The following FREM1 variants were observed in gnomAD, a reference collection of about 807,000 sequenced individuals.
FREM1 encodes the protein FRAS1 related extracellular matrix 1.
FREM1 carries 220 observed loss-of-function variants against 210.1 expected under a neutral mutation model. The ratio of observed to expected loss-of-function variants is 1.05; its 90% CI spans 0.94 to 1.17. The LOEUF (loss-of-function observed/expected upper bound fraction) is 1.17. FREM1 is among the 50% of genes most tolerant of loss of function. The pLI is 0.00. For synonymous variants in FREM1, 1,189 were observed against 980.2 expected, an observed-to-expected ratio of 1.21 and a Z score of -3.98; for missense variants, 3,454 against 2,675.5, an observed-to-expected ratio of 1.29 and a Z score of -6.42.
At chr9:14,817,728 A>C (rs968319070) in intron 14 of FREM1, among the ~76,000 whole-genome samples, 1 of 152,218 alleles carries the variant, frequency 6.6e-6, no homozygotes, top group Non-Finnish European at 1.5e-5. Flanking sequence ...AAGGTATTTT[A>C]CTGAGGACTA....
At chr9:14,851,817 A>C (rs2131398522) in intron 5 of FREM1, among the ~76,000 whole-genome samples, 1 of 152,302 alleles carries the variant, frequency 6.6e-6, no homozygotes, top group Admixed American at 6.5e-5. Flanking sequence ...TTGTTCCAAA[A>C]AGGGGACCAG....
chr9:14,747,724 C>T lies in FREM1; in HGVS notation c.5801G>A (p.Arg1934His), dbSNP rs778288375. ...TCCATTTCTATAAACAGAGGATGGA[C>T]GAACCTGAAATTGACAGAGAACAAA... ...LRTRGNGKTVRPSSVYRNGTD... is the reference protein window; with the variant it reads ...LRTRGNGKTVHPSSVYRNGTD... Residue 1934 changes from arginine (R) to histidine (H), a missense_variant, in exon 32 of 37, where the codon CGT becomes CAT. Transcript: ENST00000380880. 100 of 1,539,190 alleles carry T rather than the reference C, an allele frequency of 6.5e-5. No homozygotes were observed. Among genetic ancestry groups the T allele is most frequent in the Non-Finnish European group, 7.6e-5 (86 of 1,138,700 alleles).
chr9:14,851,246 C>CCCTG, intron 6 of FREM1, 38 bp downstream of exon 6: 3 of 1,486,328 alleles, frequency 2.0e-6, no homozygotes, highest in Non-Finnish European at 2.7e-6. Context: ...AACCCTGTGA[C>CCCTG]TTCTAACTAG....
rs368738176 is a variant in FREM1, at chr9:14,857,688, T to C, written c.693A>G (p.Gly231=). ...GSCTPGLKKI[G]SLKVSCEEFL... ...ACTCCTCACAGCTCACTTTGAGGCT[T>C]CCTATTTTCTTTAATCCTGGGGTAC... Residue 231 remains glycine, a synonymous_variant, in exon 5 of 37, where the codon GGA becomes GGG. Transcript: ENST00000380880. 7.4e-6 allele frequency: 12 copies of C among 1,613,728 alleles called. No homozygotes were observed. In the Admixed American group the frequency reaches 1.8e-4, roughly 25 times the overall value.
At chr9:14,898,873 TG>T (rs1477360223) in intron 1 of FREM1, among the ~76,000 whole-genome samples, 1 of 152,100 alleles carries the variant, frequency 6.6e-6, no homozygotes, top group Non-Finnish European at 1.5e-5. Flanking sequence ...TTAATAATAG[TG>T]GAAAGTAGGG....
chr9:14,798,088 T>C (rs1852782306), intron 20 of FREM1, among the ~76,000 whole-genome samples: 1 of 151,650 alleles, frequency 6.6e-6, no homozygotes, highest in South Asian at 2.1e-4. Flanking sequence ...AATTCAAGAG[T>C]CTCAGAACAG....
intron 5 of FREM1, among the ~76,000 whole-genome samples, chr9:14,856,750 A>G (rs1333759738): frequency 6.6e-6 from 1 of 150,818 alleles, no homozygotes; most frequent in Non-Finnish European, 1.5e-5. Flanking sequence ...GGAGAGTGGC[A>G]TGAACTTGGG....
At chr9:14,887,895 T>G (rs537524559) in intron 1 of FREM1, among the ~76,000 whole-genome samples, 1 of 152,258 alleles carries the variant, frequency 6.6e-6, no homozygotes, top group South Asian at 2.1e-4. Context: ...CCTCCTAGAT[T>G]TAAGGGATCC....
rs200650442 is a variant in FREM1 at position 14,784,400 on chromosome 9, C to T, written c.4412G>A (p.Ser1471Asn). ...VGQTVCYVHK[S>N]KVTVSSDRFR... is the part of the protein sequence containing the mutation. Reference sequence around the variant, plus strand: ...TCTGTCACTGGAGACAGTCACCTTGCTCTTGTGTACATAGCAAACTGTCTG... The same window carrying T: ...TCTGTCACTGGAGACAGTCACCTTGTTCTTGTGTACATAGCAAACTGTCTG... The change falls in exon 24 of 37, where the codon AGC (serine) becomes AAC (asparagine). Residue 1471 changes from serine to asparagine, a missense_variant. By Grantham distance (46) the Ser-to-Asn change is conservative. Coordinates refer to ENST00000380880, the MANE Select transcript of FREM1 (RefSeq NM_001379081.2). 2.5e-4 allele frequency: 403 copies of T among 1,613,756 alleles called. 1 individual carries two copies. The Middle Eastern group carries it at 0.011, about 43-fold the overall frequency.
chr9:14,777,965 T>C (rs541027784), intron 24 of FREM1, among the ~76,000 whole-genome samples: 9 of 152,296 alleles, frequency 5.9e-5, no homozygotes, highest in African/African-American at 2.2e-4. Context: ...AATAAGACTG[T>C]TGACAAGGAA....
At chr9:14,845,862 T>G in intron 8 of FREM1, 98 bp downstream of exon 8, 1 of 1,221,598 alleles carries the variant, frequency 8.2e-7, no homozygotes, top group Non-Finnish European at 1.2e-6. Flanking sequence ...CATTGAGAAA[T>G]TGGGCCCAAG....
intron 1 of FREM1, among the ~76,000 whole-genome samples, chr9:14,898,347 C>A (rs1465651872): frequency 6.6e-6 from 1 of 152,212 alleles, no homozygotes; most frequent in African/African-American, 2.4e-5. Context: ...TCCCTTCCTG[C>A]CCCTTTCTAT....
chr9:14,854,418 T>C lies in FREM1; in HGVS notation c.829-2811A>G, dbSNP rs1438260148. 2.0e-5 allele frequency among the ~76,000 whole-genome samples: 3 copies of C among 151,850 alleles called. No homozygotes were observed. In the East Asian group the frequency reaches 5.8e-4, roughly 29 times the overall value. On this transcript the variant is annotated intron_variant, in intron 5 of 36. Transcript: ENST00000380880. Reference sequence around the variant, plus strand: ...AGGCACTTAAAATTACATAGAAAGATTAAAAGGAAAAGGGTGATACAAATT... The same window carrying C: ...AGGCACTTAAAATTACATAGAAAGACTAAAAGGAAAAGGGTGATACAAATT...
intron 1 of FREM1, among the ~76,000 whole-genome samples, chr9:14,879,932 G>C (rs1002004976): frequency 6.6e-6 from 1 of 152,192 alleles, no homozygotes; most frequent in African/African-American, 2.4e-5. Context: ...GGGGTGCTAT[G>C]TCTAGATGTT....
chr9:14,773,633 T>C (rs1848004627), intron 25 of FREM1, among the ~76,000 whole-genome samples: 1 of 149,820 alleles, frequency 6.7e-6, no homozygotes, highest in African/African-American at 2.5e-5. Flanking sequence ...AAGGAAAGCC[T>C]TATACTTTTG....
chr9:14,738,598 G>C (rs925084974), intron 36 of FREM1, among the ~76,000 whole-genome samples: 70 of 66,376 alleles, frequency 1.1e-3, no homozygotes, highest in Non-Finnish European at 5.2e-4. Context: ...TGCAGAAATA[G>C]TGAAAGCCAA....
At chr9:14,869,967 A>G (rs183483759) in intron 1 of FREM1, among the ~76,000 whole-genome samples, 1 of 152,218 alleles carries the variant, frequency 6.6e-6, no homozygotes, top group African/African-American at 2.4e-5. Context: ...AACTTGCACA[A>G]ATAGAGTCTT....
intron 1 of FREM1, among the ~76,000 whole-genome samples, chr9:14,903,982 C>T (rs984808639): frequency 3.9e-5 from 6 of 151,952 alleles, no homozygotes; most frequent in East Asian, 3.9e-4. Flanking sequence ...ATTAGCTGGG[C>T]GTGGTGGCAG....
intron 10 of FREM1, among the ~76,000 whole-genome samples, chr9:14,832,447 C>T (rs10961741): frequency 0.18 from 27,213 of 151,996 alleles, 2,707 homozygotes; most frequent in Middle Eastern, 0.24. Flanking sequence ...TATAGTAGGC[C>T]AAAAGGGAAG....
Sources: gnomAD v4.1 joint callset for allele counts (sites outside exome capture counted in the v4.1 genomes callset) on GRCh38, gnomAD v4.1.1 for gene constraint, MANE v1.5 for transcripts, NCBI Gene and HGNC (gene_info 2026-07-23, HGNC 2026-07-21) for gene names.